SHC3: variants seen among roughly 807,000 people sequenced by gnomAD.
The protein encoded by SHC3 is SHC-transforming protein 3.
In SHC3, 15 loss-of-function variants were observed where a neutral mutation model predicts 60.4. The observed-to-expected ratio is 0.25, with a 90% CI of 0.17 to 0.38. The LOEUF (loss-of-function observed/expected upper bound fraction) is 0.38. Among genes scored for constraint, SHC3 ranks in the 10% least tolerant of loss-of-function variants. The pLI is 1.00. For missense variants in SHC3, 677 were observed against 786.1 expected, an observed-to-expected ratio of 0.86 and a Z score of 1.66; for synonymous variants, 294 against 325.9, an observed-to-expected ratio of 0.90 and a Z score of 1.05.
chr9:89,125,936 C>G (rs1826157845), intron 1 of SHC3, among the ~76,000 whole-genome samples: 1 of 152,136 alleles, frequency 6.6e-6, no homozygotes, highest in African/African-American at 2.4e-5. Context: ...AATAGCCATT[C>G]TTTTATTCCT....
chr9:89,110,970 G>T (rs2118108876), intron 2 of SHC3, among the ~76,000 whole-genome samples: 1 of 152,202 alleles, frequency 6.6e-6, no homozygotes, highest in East Asian at 1.9e-4. Flanking sequence ...AGAGCAAACT[G>T]TAATTATTCA....
At chr9:89,066,010 G>A (rs1285167687) in intron 5 of SHC3, among the ~76,000 whole-genome samples, 1 of 152,150 alleles carries the variant, frequency 6.6e-6, no homozygotes, top group Non-Finnish European at 1.5e-5. Context: ...TTGGATGTGA[G>A]GCCTGTGCAT....
rs184722763 is a variant in SHC3 at position 89,125,842 on chromosome 9, T to A, written c.475-13216A>T. 1.5e-3 allele frequency among the ~76,000 whole-genome samples: 221 copies of A among 152,282 alleles called. 1 individual carries two copies. The highest frequency in any genetic ancestry group is 2.0e-3 in the Non-Finnish European group (135 of 68,022). On this transcript the variant is annotated intron_variant, in intron 1 of 11. Transcript: ENST00000375835. ...ACCGCCTTCCCAGAAAACTCATGAA[T>A]TATCTACCCATTGTTCAGCAAATAA...
At position 89,157,362 on chromosome 9, in the gene SHC3, C is replaced by T. The variant is rs185082939; in HGVS notation, c.474+20625G>A. Reference sequence around the variant, plus strand: ...AGATTAATGTGGCCACAGGCCAAAGCGTTCTCACAGCTAGAAGCCTTAGAA... The same window carrying T: ...AGATTAATGTGGCCACAGGCCAAAGTGTTCTCACAGCTAGAAGCCTTAGAA... On this transcript the variant is annotated intron_variant, in intron 1 of 11. Coordinates refer to ENST00000375835, the MANE Select transcript of SHC3 (RefSeq NM_016848.6). Among the ~76,000 whole-genome samples, 105 of 152,336 alleles carry T rather than the reference C, an allele frequency of 6.9e-4. 1 individual carries two copies. Among genetic ancestry groups the T allele is most frequent in the African/African-American group, 2.5e-3 (104 of 41,576 alleles).
At chr9:89,094,103 CAAAAAAAA>C (rs1160433992) in intron 2 of SHC3, among the ~76,000 whole-genome samples, 1 of 73,066 alleles carries the variant, frequency 1.4e-5, no homozygotes. Flanking sequence ...GACTCTGTCT[CAAAAAAAA>C]AAAAAAAAAG....
At chr9:89,114,790 CAG>C (rs1825998688) in intron 1 of SHC3, among the ~76,000 whole-genome samples, 1 of 152,096 alleles carries the variant, frequency 6.6e-6, no homozygotes, top group Non-Finnish European at 1.5e-5. Context: ...ACCATTGTTG[CAG>C]AGTTATGATT....
intron 6 of SHC3, among the ~76,000 whole-genome samples, chr9:89,053,092 G>A (rs945686609): frequency 2.0e-5 from 3 of 152,184 alleles, no homozygotes; most frequent in Admixed American, 2.0e-4. Flanking sequence ...TACCATAAGC[G>A]TCCACATGTC....
chr9:89,162,280 G>T (rs1351749559), intron 1 of SHC3, among the ~76,000 whole-genome samples: 1 of 151,152 alleles, frequency 6.6e-6, no homozygotes, highest in Admixed American at 6.6e-5. Flanking sequence ...AGCCCGCATC[G>T]CCAAGTCAAT....
intron 2 of SHC3, among the ~76,000 whole-genome samples, chr9:89,082,798 G>T (rs995740308): frequency 6.6e-6 from 1 of 152,134 alleles, no homozygotes; most frequent in Admixed American, 6.5e-5. Flanking sequence ...CCGCCCTCCT[G>T]TCTGAAGGGA....
intron 2 of SHC3, among the ~76,000 whole-genome samples, chr9:89,111,541 G>C (rs1237883787): frequency 6.6e-6 from 1 of 151,246 alleles, no homozygotes; most frequent in Non-Finnish European, 1.5e-5. Context: ...ACTGATGTTG[G>C]TACATTCACA....
chr9:89,122,714 A>C (rs889445585), intron 1 of SHC3, among the ~76,000 whole-genome samples: 3 of 152,210 alleles, frequency 2.0e-5, no homozygotes, highest in African/African-American at 7.2e-5. Context: ...ACCTGAGAAG[A>C]CTTGGCTCAC....
intron 1 of SHC3, among the ~76,000 whole-genome samples, chr9:89,129,101 G>A (rs912063661): frequency 3.3e-5 from 5 of 152,136 alleles, no homozygotes; most frequent in African/African-American, 9.7e-5. Flanking sequence ...CGAGAACTAC[G>A]TGACACATGC....
At chr9:89,110,955 A>G (rs867436632) in intron 2 of SHC3, among the ~76,000 whole-genome samples, 1 of 152,100 alleles carries the variant, frequency 6.6e-6, no homozygotes, top group African/African-American at 2.4e-5. Flanking sequence ...TTGTATCCTC[A>G]TCAAAGAGCA....
At chr9:89,158,158 T>C (rs1254127476) in intron 1 of SHC3, among the ~76,000 whole-genome samples, 2 of 151,952 alleles carry the variant, frequency 1.3e-5, no homozygotes, top group Non-Finnish European at 2.9e-5. Context: ...ATTTTCCTCT[T>C]TGCACTGTTG....
chr9:89,157,955 A>C (rs1368702249), intron 1 of SHC3, among the ~76,000 whole-genome samples: 2 of 151,974 alleles, frequency 1.3e-5, no homozygotes. Context: ...ATTTTTTTCA[A>C]AAAATCTGAT....
chr9:89,053,291 G>C (rs996687658), intron 6 of SHC3, among the ~76,000 whole-genome samples: 1 of 152,224 alleles, frequency 6.6e-6, no homozygotes, highest in Non-Finnish European at 1.5e-5. Context: ...CCTGCAGTGA[G>C]GAGGATGCAT....
At chr9:89,086,835 C>T (rs1041175285) in intron 2 of SHC3, among the ~76,000 whole-genome samples, 4 of 152,144 alleles carry the variant, frequency 2.6e-5, no homozygotes, top group African/African-American at 9.7e-5. Flanking sequence ...AGGACAAAGA[C>T]CAAATGCATA....
At chr9:89,123,299 T>C (rs781135931) in intron 1 of SHC3, among the ~76,000 whole-genome samples, 1 of 152,188 alleles carries the variant, frequency 6.6e-6, no homozygotes. Context: ...AAAAAGACCA[T>C]GCTTAATAAA....
chr9:89,033,578 G>A lies in SHC3; in HGVS notation c.1656+4415C>T, dbSNP rs562343298. 3.3e-5 allele frequency among the ~76,000 whole-genome samples: 5 copies of A among 152,250 alleles called. No homozygotes were observed. The South Asian group carries it at 8.3e-4, about 25-fold the overall frequency. On this transcript the variant is annotated intron_variant, in intron 11 of 11. Coordinates refer to ENST00000375835, the MANE Select transcript of SHC3 (RefSeq NM_016848.6). ...TCAACTCTTAACCTGTAAAAGCCCA[G>A]GCCAATCTTTGTGTTTGTTCATCAA...
Sources: allele counts gnomAD v4.1 joint callset (sites outside exome capture counted in the v4.1 genomes callset), GRCh38; gene constraint gnomAD v4.1.1; transcripts MANE v1.5; gene names NCBI Gene and HGNC (gene_info 2026-07-23, HGNC 2026-07-21).